Variants in ABCA13 observed in about 807,000 individuals in gnomAD.
The protein encoded by ABCA13 is ATP-binding cassette sub-family A member 13.
ABCA13 carries 476 observed loss-of-function variants against 478.7 expected under a neutral mutation model. The ratio of observed to expected loss-of-function variants is 0.99; its 90% CI spans 0.92 to 1.07. The LOEUF (loss-of-function observed/expected upper bound fraction) is 1.07, where lower values mean the gene tolerates loss of function less well. Among genes scored for constraint, ABCA13 ranks in the 50% least tolerant of loss-of-function variants. ABCA13 has a pLI of 0.00. For missense variants in ABCA13, 6,060 were observed against 5,910.6 expected, an observed-to-expected ratio of 1.03 and a Z score of -0.83; for synonymous variants, 2,252 against 2,158.9, an observed-to-expected ratio of 1.04 and a Z score of -1.20.
At chr7:48,595,490 A>G (rs1285792914) in intron 58 of ABCA13, among the ~76,000 whole-genome samples, 3 of 152,252 alleles carry the variant, frequency 2.0e-5, no homozygotes, top group Non-Finnish European at 4.4e-5. Flanking sequence ...AAGAGCTGCC[A>G]AAGATCTCAC....
chr7:48,330,654 TATTC>T (rs1353301704), intron 27 of ABCA13, among the ~76,000 whole-genome samples: 1 of 150,588 alleles, frequency 6.6e-6, no homozygotes, highest in Non-Finnish European at 1.5e-5. Context: ...TCCATCCATC[TATTC>T]ATTCATTCAA....
At chr7:48,368,264 A>AT (rs974771764) in intron 32 of ABCA13, among the ~76,000 whole-genome samples, 11 of 152,034 alleles carry the variant, frequency 7.2e-5, no homozygotes, top group African/African-American at 1.4e-4. Flanking sequence ...AGACCCTGCT[A>AT]TTTTTTTTGT....
intron 42 of ABCA13, among the ~76,000 whole-genome samples, chr7:48,446,221 A>AC (rs1332245291): frequency 6.6e-6 from 1 of 152,144 alleles, no homozygotes; most frequent in Non-Finnish European, 1.5e-5. Flanking sequence ...ATTAAGGAGC[A>AC]CCCCAAGTTC....
At chr7:48,369,892 T>C (rs1812362428) in intron 32 of ABCA13, among the ~76,000 whole-genome samples, 1 of 152,012 alleles carries the variant, frequency 6.6e-6, no homozygotes, top group Non-Finnish European at 1.5e-5. Context: ...TTTGGTTCCA[T>C]ATGAATTTTA....
chr7:48,340,998 GT>G (rs1320395646), intron 29 of ABCA13, among the ~76,000 whole-genome samples: 3 of 152,082 alleles, frequency 2.0e-5, no homozygotes, highest in African/African-American at 7.2e-5. Context: ...TTGATTTCTT[GT>G]TCTGAAAGAT....
chr7:48,494,249 T>C (rs1295500231), intron 48 of ABCA13, among the ~76,000 whole-genome samples: 4 of 152,174 alleles, frequency 2.6e-5, no homozygotes, highest in Non-Finnish European at 5.9e-5. Context: ...TAGATTTTCC[T>C]GCTTTGCTTT....
At chr7:48,267,534 A>G (rs1041492710) in intron 15 of ABCA13, among the ~76,000 whole-genome samples, 2 of 152,126 alleles carry the variant, frequency 1.3e-5, no homozygotes, top group African/African-American at 4.8e-5. Context: ...ATTTCTTACA[A>G]GTAGCATACA....
chr7:48,410,826 G>A (rs997458543), intron 40 of ABCA13, 149 bp downstream of exon 40: 44 of 1,159,158 alleles, frequency 3.8e-5, no homozygotes, highest in Admixed American at 1.4e-4. Context: ...CCCCAGGCCT[G>A]TGCAGGGAGC....
chr7:48,457,668 A>C (rs973686981), intron 43 of ABCA13, among the ~76,000 whole-genome samples: 1 of 152,220 alleles, frequency 6.6e-6, no homozygotes, highest in African/African-American at 2.4e-5. Context: ...TAACTTATGA[A>C]ACAGAGACAT....
chr7:48,524,183 G>A, intron 53 of ABCA13, 65 bp from the exon 54 acceptor site: 1 of 1,431,006 alleles, frequency 7.0e-7, no homozygotes, highest in Non-Finnish European at 9.4e-7. Context: ...TGACCTTTTT[G>A]CCTCTTCTAG....
rs969456204 is a variant in ABCA13 at position 48,224,951 on chromosome 7, C to CA, written c.469-2310dup. Among the ~76,000 whole-genome samples the CA allele has an allele frequency of 2.6e-5, 4 of 152,128 alleles. No homozygotes were observed. In the East Asian group the frequency reaches 7.7e-4, roughly 29 times the overall value. On this transcript the variant is annotated intron_variant, in intron 5 of 61. Coordinates refer to ENST00000435803, the MANE Select transcript of ABCA13 (RefSeq NM_152701.5). Reference sequence around the variant, plus strand: ...TGTTGCAGGGGAACCTAAACGGAGACAGGAGATATGGATTTATTTTCCTTC... The same window carrying CA: ...TGTTGCAGGGGAACCTAAACGGAGACAAGGAGATATGGATTTATTTTCCTTC...
intron 45 of ABCA13, among the ~76,000 whole-genome samples, chr7:48,477,464 A>G (rs887014087): frequency 1.1e-4 from 17 of 152,150 alleles, no homozygotes; most frequent in African/African-American, 4.1e-4. Context: ...AGCACTATTC[A>G]CAATAGCAAA....
intron 48 of ABCA13, among the ~76,000 whole-genome samples, chr7:48,505,313 G>A (rs962547989): frequency 3.3e-5 from 5 of 152,118 alleles, no homozygotes; most frequent in African/African-American, 1.2e-4. Flanking sequence ...GAAGTTTGGA[G>A]CACTGTAGCC....
chr7:48,631,194 G>A (rs1458279117), intron 59 of ABCA13, among the ~76,000 whole-genome samples: 1 of 151,784 alleles, frequency 6.6e-6, no homozygotes, highest in African/African-American at 2.4e-5. Flanking sequence ...TATTTTTGTT[G>A]GAATTGCTTT....
rs17132204 is a variant in ABCA13 at position 48,276,582 on chromosome 7, T to C, written c.6899+17T>C. 9.2e-3 allele frequency: 14,666 copies of C among 1,602,464 alleles called. 123 individuals carry two copies. The highest frequency in any genetic ancestry group is 0.054 in the Middle Eastern group (322 of 5,920). ...AGAGATGAGGTGAGTATACTTTTGC[T>C]TTGTGTCATATATGCAGTTGCGATA... On this transcript the variant is annotated intron_variant, in intron 17 of 61. Transcript: ENST00000435803.
intron 43 of ABCA13, among the ~76,000 whole-genome samples, chr7:48,460,419 A>G (rs1047557435): frequency 6.6e-6 from 1 of 152,032 alleles, no homozygotes; most frequent in Admixed American, 6.6e-5. Context: ...GATCCCTGAC[A>G]TGCCTTGACT....
At chr7:48,359,647 G>A (rs1169453374) in intron 31 of ABCA13, among the ~76,000 whole-genome samples, 2 of 151,982 alleles carry the variant, frequency 1.3e-5, no homozygotes, top group African/African-American at 4.8e-5. Context: ...CAGAAGCAGG[G>A]AAGGGCAGAG....
chr7:48,404,173 T>C (rs1379368245), intron 39 of ABCA13: 2 of 360,374 alleles, frequency 5.5e-6, no homozygotes, highest in Non-Finnish European at 1.1e-5. Flanking sequence ...TCTGGAAGCA[T>C]AGTTTCTTAG....
chr7:48,244,901 G>A (rs1245983318), intron 11 of ABCA13, among the ~76,000 whole-genome samples, 198 bp downstream of exon 11: 12 of 152,146 alleles, frequency 7.9e-5, no homozygotes, highest in Non-Finnish European at 1.6e-4. Flanking sequence ...TAAACAATAA[G>A]GGCACAGTGA....
Sources: gnomAD v4.1 joint callset for allele counts (sites outside exome capture counted in the v4.1 genomes callset) on GRCh38, gnomAD v4.1.1 for gene constraint, MANE v1.5 for transcripts, NCBI Gene and HGNC (gene_info 2026-07-23, HGNC 2026-07-21) for gene names.